The following COL19A1 variants were observed in gnomAD, a reference collection of about 807,000 sequenced individuals.
COL19A1 encodes collagen alpha-1(XIX) chain.
In COL19A1, 159 loss-of-function variants were observed where a neutral mutation model predicts 190.2. The ratio of observed to expected loss-of-function variants is 0.84; its 90% confidence interval spans 0.73 to 0.95. The LOEUF is 0.95. COL19A1 is among the 40% of genes least tolerant of loss of function. The pLI is 0.00. For missense variants in COL19A1, 1,418 were observed against 1,431.9 expected (o/e 0.99, Z 0.16); for synonymous variants, 509 against 458.9 (o/e 1.11, Z -1.39).
intron 2 of COL19A1, among the ~76,000 whole-genome samples, chr6:69,887,499 T>A (rs181893129): frequency 2.2e-4 from 33 of 152,338 alleles, no homozygotes; most frequent in Middle Eastern, 3.4e-3. Flanking sequence ...GTGTAACTAC[T>A]ACTCAGACCT....
intron 48 of COL19A1, among the ~76,000 whole-genome samples, chr6:70,197,583 T>C (rs961838779): frequency 6.6e-6 from 1 of 152,220 alleles, no homozygotes; most frequent in Non-Finnish European, 1.5e-5. Context: ...TTCAGTATGA[T>C]GATTTGTAAA....
At chr6:70,202,789 C>T (rs1767630510) in intron 49 of COL19A1, among the ~76,000 whole-genome samples, 2 of 152,200 alleles carry the variant, frequency 1.3e-5, no homozygotes, top group Admixed American at 1.3e-4. Flanking sequence ...AAAAGAAAGA[C>T]CTTTTGGATT....
intron 23 of COL19A1, among the ~76,000 whole-genome samples, chr6:70,143,045 T>A (rs1341310893): frequency 6.6e-6 from 1 of 152,116 alleles, no homozygotes; most frequent in East Asian, 1.9e-4. Flanking sequence ...CCTAATAAAT[T>A]GGTTTTTGGA....
intron 31 of COL19A1, among the ~76,000 whole-genome samples, chr6:70,153,432 T>G (rs571009729): frequency 1.4e-4 from 22 of 152,306 alleles, no homozygotes; most frequent in East Asian, 1.4e-3. Context: ...TTGATGCATC[T>G]TTATTCTTTC....
intron 15 of COL19A1, among the ~76,000 whole-genome samples, chr6:70,076,963 C>T (rs1184260683): frequency 3.9e-5 from 6 of 152,258 alleles, no homozygotes; most frequent in East Asian, 1.9e-4. Flanking sequence ...TGGGATGGAG[C>T]GAATATATGT....
At chr6:70,149,794 G>T (rs970688325) in intron 28 of COL19A1, 55 bp downstream of exon 28, 13 of 1,613,228 alleles carry the variant, frequency 8.1e-6, no homozygotes, top group Admixed American at 1.7e-5. Context: ...TTACTTGGGG[G>T]AAATGACTGA....
At chr6:70,141,831 C>A in intron 20 of COL19A1, 62 bp from the exon 21 acceptor site, 1 of 1,053,182 alleles carries the variant, frequency 9.5e-7, no homozygotes, top group South Asian at 1.3e-5. Flanking sequence ...ATTAAAGTAT[C>A]AGAGATGTCC....
chr6:70,000,411 A>G (rs1777191793), intron 11 of COL19A1, among the ~76,000 whole-genome samples: 3 of 152,074 alleles, frequency 2.0e-5, no homozygotes, highest in African/African-American at 4.8e-5. Flanking sequence ...GTCAAGTGGT[A>G]TTTCTTGTTC....
At chr6:70,100,149 G>T (rs187626471) in intron 15 of COL19A1, among the ~76,000 whole-genome samples, 23 of 152,148 alleles carry the variant, frequency 1.5e-4, no homozygotes, top group Admixed American at 2.6e-4. Context: ...TTGATCCTAT[G>T]GTTTTAACTT....
intron 43 of COL19A1, 37 bp downstream of exon 43, chr6:70,180,393 T>C: frequency 6.2e-7 from 1 of 1,614,072 alleles, no homozygotes; most frequent in Non-Finnish European, 8.5e-7. Context: ...GTTGTACTTG[T>C]GTTGTACTTG....
intron 6 of COL19A1, 134 bp downstream of exon 6, chr6:69,929,834 C>T (rs1274263671): frequency 4.2e-5 from 35 of 827,988 alleles, no homozygotes; most frequent in African/African-American, 7.0e-5. Context: ...ATTAATTTGC[C>T]GTCAGATGTG....
intron 7 of COL19A1, among the ~76,000 whole-genome samples, chr6:69,934,116 G>A (rs770913227): frequency 1.4e-4 from 21 of 151,942 alleles, no homozygotes; most frequent in Non-Finnish European, 2.7e-4. Flanking sequence ...ATAGCTTAAA[G>A]CATAGCTTTA....
chr6:70,021,203 C>A (rs949689539), intron 11 of COL19A1, among the ~76,000 whole-genome samples: 3 of 152,090 alleles, frequency 2.0e-5, no homozygotes, highest in Non-Finnish European at 4.4e-5. Context: ...TGCTAGGAAT[C>A]AATTTTAAGC....
intron 41 of COL19A1, among the ~76,000 whole-genome samples, chr6:70,173,775 G>A (rs1292320291): frequency 6.6e-6 from 1 of 152,178 alleles, no homozygotes. Flanking sequence ...GAATAAATAG[G>A]CCAGAGGCTG....
chr6:70,180,008 G>A (rs192277904), intron 42 of COL19A1, among the ~76,000 whole-genome samples: 19 of 152,178 alleles, frequency 1.2e-4, no homozygotes, highest in East Asian at 9.7e-4. Flanking sequence ...TCGGGCTCCC[G>A]AGTAGCTGGG....
At position 70,034,253 on chromosome 6, in the gene COL19A1, A is replaced by G. The variant is rs138001242; in HGVS notation, c.1089A>G (p.Lys363=). The G allele has an allele frequency of 1.2e-3, 1,971 of 1,612,012 alleles. 9 individuals are homozygous for G. The highest frequency in any genetic ancestry group is 0.01 in the East Asian group (455 of 44,858). The change falls in exon 13 of 51, where the codon AAA becomes AAG. Residue 363 remains lysine (K), a synonymous_variant. Transcript: ENST00000620364. ...LAGLNGENGL[K]GDLGPHGPPG... ...TTATATTCTTTCTACAGGGTTTGAAAGGTGACTTGGGTCCTCATGGTCCAC... is the reference window on the plus strand; with the variant it reads ...TTATATTCTTTCTACAGGGTTTGAAGGGTGACTTGGGTCCTCATGGTCCAC...
chr6:70,123,817 C>T lies in COL19A1; in HGVS notation c.1341+1875C>T, dbSNP rs993429480. Among the ~76,000 whole-genome samples, 21 of 93,694 alleles carry T rather than the reference C, an allele frequency of 2.2e-4. 1 individual carries two copies. The highest frequency in any genetic ancestry group is 8.0e-4 in the African/African-American group (19 of 23,804). The allele number at this position is 93,694 out of a possible 152,430, so 61.5% of individuals were successfully genotyped here. ...CACACTCTGGGGACTGTTGTGGGGT[C>T]GGGGGAGGGGGGAGGGATAGCATTG... On this transcript the variant is annotated intron_variant, in intron 17 of 50. Coordinates refer to ENST00000620364, the MANE Select transcript of COL19A1 (RefSeq NM_001858.6).
Position 70,176,580 on chromosome 6 carries a change from T to C in COL19A1, c.2667+16T>C. ...AGGGATGTCGGTGAGTTCAGATTAC[T>C]TCACATCATTTTCACAGGTAAACGG... is the stretch of plus-strand genomic sequence containing the variant. On this transcript the variant is annotated intron_variant, in intron 42 of 50. Coordinates refer to ENST00000620364, the MANE Select transcript of COL19A1 (RefSeq NM_001858.6). 6.2e-7 allele frequency: 1 copy of C among 1,611,396 alleles called. No homozygotes were observed. The highest frequency in any genetic ancestry group is 8.5e-7 in the Non-Finnish European group (1 of 1,178,800).
At chr6:69,997,644 G>A (rs932910742) in intron 11 of COL19A1, among the ~76,000 whole-genome samples, 7 of 151,880 alleles carry the variant, frequency 4.6e-5, no homozygotes, top group Admixed American at 4.6e-4. Flanking sequence ...GTGGCAGAAG[G>A]AAAAATCAGT....
Sources: gnomAD v4.1 joint callset for allele counts (sites outside exome capture counted in the v4.1 genomes callset) on GRCh38, gnomAD v4.1.1 for gene constraint, MANE v1.5 for transcripts, NCBI Gene and HGNC (gene_info 2026-07-23, HGNC 2026-07-21) for gene names.